Variants in LARGE1 observed in about 807,000 individuals in gnomAD.
The protein encoded by LARGE1 is xylosyl- and glucuronyltransferase LARGE1.
In LARGE1, 43 loss-of-function variants were observed where a neutral mutation model predicts 87.6. The observed-to-expected ratio is 0.49, with a 90% CI of 0.38 to 0.63. The LOEUF (loss-of-function observed/expected upper bound fraction) is 0.63, where lower values mean the gene tolerates loss of function less well. Ranked by LOEUF, LARGE1 falls within the 30% of genes least tolerant of loss-of-function variation. The pLI, the probability that LARGE1 is intolerant of heterozygous loss-of-function variation, is 0.00. For synonymous variants in LARGE1, 434 were observed against 394.6 expected (o/e 1.10, Z -1.18); for missense variants, 802 against 1,000.2 (o/e 0.80, Z 2.67).
intron 5 of LARGE1, among the ~76,000 whole-genome samples, chr22:33,595,816 AG>A (rs2078961890): frequency 6.6e-6 from 1 of 152,348 alleles, no homozygotes; most frequent in Admixed American, 6.5e-5. Flanking sequence ...CTTGCCCTCT[AG>A]GTTCCCTCTG....
chr22:33,417,239 G>T (rs1307249582), intron 7 of LARGE1, among the ~76,000 whole-genome samples: 1 of 152,130 alleles, frequency 6.6e-6, no homozygotes, highest in Non-Finnish European at 1.5e-5. Context: ...TGCCAATCAT[G>T]ATTCCAGGCA....
intron 5 of LARGE1, among the ~76,000 whole-genome samples, chr22:33,602,496 C>A (rs1197621834): frequency 1.3e-5 from 2 of 151,622 alleles, no homozygotes; most frequent in Middle Eastern, 3.4e-3. Flanking sequence ...CCTTTTTCAG[C>A]CTCCAGAGTA....
At chr22:33,745,981 A>C (rs1569422431) in intron 2 of LARGE1, among the ~76,000 whole-genome samples, 1 of 152,228 alleles carries the variant, frequency 6.6e-6, no homozygotes, top group Non-Finnish European at 1.5e-5. Flanking sequence ...AAGAAACCTT[A>C]GAGAGATCAC....
chr22:33,581,152 C>CTATT lies in LARGE1; in HGVS notation c.616-16134_616-16133insAATA, dbSNP rs2078507196. On this transcript the variant is annotated intron_variant, in intron 5 of 14. Coordinates refer to ENST00000397394, the MANE Select transcript of LARGE1 (RefSeq NM_133642.5). ...CTATTTTACACATAGGAAACTAAGA[C>CTATT]TTAGAAACATCATTGTCTCAAATTG... is the stretch of plus-strand genomic sequence containing the variant. Among the ~76,000 whole-genome samples the CTATT allele has an allele frequency of 2.0e-5, 3 of 152,174 alleles. No individual in the cohort carries two copies. The South Asian group carries it at 6.2e-4, about 31-fold the overall frequency.
intron 2 of LARGE1, among the ~76,000 whole-genome samples, chr22:33,696,031 A>G (rs1342730807): frequency 6.6e-6 from 1 of 152,188 alleles, no homozygotes; most frequent in Non-Finnish European, 1.5e-5. Context: ...AGTTTCTGCA[A>G]TTCATTCAAG....
chr22:33,328,879 A>C (rs959991517), intron 10 of LARGE1, among the ~76,000 whole-genome samples: 2 of 152,152 alleles, frequency 1.3e-5, no homozygotes, highest in African/African-American at 4.8e-5. Flanking sequence ...TTGAACAAGT[A>C]AATCATTTCT....
intron 7 of LARGE1, among the ~76,000 whole-genome samples, chr22:33,389,191 T>C (rs1464628665): frequency 6.6e-6 from 1 of 152,216 alleles, no homozygotes; most frequent in Non-Finnish European, 1.5e-5. Context: ...CCAGACAGTT[T>C]CAATAGCAGG....
At chr22:33,758,105 T>A (rs1244474969) in intron 2 of LARGE1, among the ~76,000 whole-genome samples, 1 of 152,228 alleles carries the variant, frequency 6.6e-6, no homozygotes, top group Non-Finnish European at 1.5e-5. Flanking sequence ...ATCCTCATTA[T>A]GAGGAGCTTG....
intron 11 of LARGE1, among the ~76,000 whole-genome samples, chr22:33,205,948 CTTTTTTTTT>C (rs386395258): frequency 1.2e-5 from 1 of 84,986 alleles, no homozygotes; most frequent in African/African-American, 4.7e-5. Flanking sequence ...CATGCTAATT[CTTTTTTTTT>C]TTTTTTTTTT....
intron 3 of LARGE1, among the ~76,000 whole-genome samples, chr22:33,646,522 T>A (rs2080617848): frequency 5.3e-3 from 1 of 188 alleles, no homozygotes; most frequent in African/African-American, 0.02. Context: ...ATAGGTACTG[T>A]AAACCAACCA....
intron 6 of LARGE1, among the ~76,000 whole-genome samples, chr22:33,461,438 T>C (rs1395759673): frequency 2.0e-5 from 3 of 152,154 alleles, no homozygotes; most frequent in Admixed American, 6.5e-5. Flanking sequence ...TTGTGGGACA[T>C]GTGAATCTAG....
intron 1 of LARGE1, among the ~76,000 whole-genome samples, chr22:33,818,265 G>A (rs999443721): frequency 1.4e-4 from 22 of 152,158 alleles, no homozygotes; most frequent in African/African-American, 4.1e-4. Context: ...GTTAAAATCC[G>A]AAATCATCGT....
the LARGE1 span, among the ~76,000 whole-genome samples, chr22:33,121,685 C>G: frequency 6.6e-6 from 1 of 152,104 alleles, no homozygotes; most frequent in East Asian, 1.9e-4. Context: ...TACCCAGTAC[C>G]CTTCTGTATT....
downstream of LARGE1, among the ~76,000 whole-genome samples, chr22:33,271,032 C>T (rs1397679172): frequency 6.6e-6 from 1 of 152,178 alleles, no homozygotes; most frequent in African/African-American, 2.4e-5. Context: ...ACCCAGCTGT[C>T]TGAATATGAT....
rs112232812 is a variant in LARGE1, at chr22:33,817,915, G to A, written c.-82-56357C>T. On this transcript the variant is annotated intron_variant, in intron 1 of 14. Coordinates refer to ENST00000397394, the MANE Select transcript of LARGE1 (RefSeq NM_133642.5). The stretch of plus-strand genomic sequence containing the variant: ...GAGAAGCTGAAGGAGGGAGGAAAGG[G>A]GGAGGAGAGGGAGGAAAGGGGGAGG... Among the ~76,000 whole-genome samples the A allele has an allele frequency of 5.3e-3, 690 of 131,254 alleles. 3 individuals carry two copies. The highest frequency in any genetic ancestry group is 0.016 in the African/African-American group (635 of 40,178). 86.1% of individuals were successfully genotyped at this position (131,254 alleles called of 152,430 possible).
At chr22:33,458,011 G>C (rs2068210965) in intron 6 of LARGE1, among the ~76,000 whole-genome samples, 1 of 152,070 alleles carries the variant, frequency 6.6e-6, no homozygotes, top group South Asian at 2.1e-4. Context: ...CCTACCTGAA[G>C]TTTATTATAA....
At chr22:33,855,628 G>C (rs2063735110) in intron 1 of LARGE1, among the ~76,000 whole-genome samples, 1 of 152,174 alleles carries the variant, frequency 6.6e-6, no homozygotes, top group South Asian at 2.1e-4. Context: ...TGTGCTTCTG[G>C]GAAAGGCCCT....
chr22:33,454,638 AG>A (rs963047760), intron 6 of LARGE1, among the ~76,000 whole-genome samples: 17 of 150,170 alleles, frequency 1.1e-4, no homozygotes, highest in African/African-American at 4.2e-4. Context: ...AAAAAAAAGA[AG>A]AAGAAGAAAA....
chr22:33,538,388 CTTTAGTG>C (rs1287912350), intron 6 of LARGE1, among the ~76,000 whole-genome samples: 2 of 152,294 alleles, frequency 1.3e-5, no homozygotes, highest in East Asian at 3.9e-4. Flanking sequence ...CTTGCGCATT[CTTTAGTG>C]TCTTCTGTGT....
Sources: gnomAD v4.1 joint callset for allele counts (sites outside exome capture counted in the v4.1 genomes callset) on GRCh38, gnomAD v4.1.1 for gene constraint, MANE v1.5 for transcripts, NCBI Gene and HGNC (gene_info 2026-07-23, HGNC 2026-07-21) for gene names.